Variants in SDK1 observed in about 807,000 individuals in gnomAD.
SDK1 encodes protein sidekick-1.
In SDK1, 157 loss-of-function variants were observed where a neutral mutation model predicts 245.5. That is an observed-to-expected ratio of 0.64 (90% confidence interval 0.56 to 0.73). The LOEUF (loss-of-function observed/expected upper bound fraction) is 0.73. Among genes scored for constraint, SDK1 ranks in the 30% least tolerant of loss-of-function variants. SDK1 has a pLI of 0.00. For synonymous variants in SDK1, 1,647 were observed against 1,278.5 expected, an observed-to-expected ratio of 1.29 and a Z score of -6.15; for missense variants, 3,583 against 3,002.3, an observed-to-expected ratio of 1.19 and a Z score of -4.52.
At chr7:3,760,224 C>T (rs1036029405) in intron 4 of SDK1, among the ~76,000 whole-genome samples, 2 of 152,098 alleles carry the variant, frequency 1.3e-5, no homozygotes, top group African/African-American at 2.4e-5. Flanking sequence ...AGTGATGATC[C>T]AGTGCAGTTT....
At position 3,301,553 on chromosome 7, in the gene SDK1, T is replaced by G. The variant is rs2128539073; in HGVS notation, c.-34T>G. 5.1e-6 allele frequency: 4 copies of G among 791,728 alleles called. No individual in the cohort carries two copies. Among genetic ancestry groups the G allele is most frequent in the African/African-American group, 1.9e-5 (1 of 51,748 alleles). 49.0% of individuals were successfully genotyped at this position (791,728 alleles called of 1,614,324 possible). ...CCCGCCTGTCCTGCCCGCCCGTCCG[T>G]CCGGCGCGGCGCTCGGGGTGGCGGC... On this transcript the variant is annotated 5_prime_UTR_variant, in exon 1 of 45. Transcript: ENST00000404826.
intron 4 of SDK1, among the ~76,000 whole-genome samples, chr7:3,649,678 G>T (rs748681307): frequency 6.6e-6 from 1 of 152,120 alleles, no homozygotes; most frequent in African/African-American, 2.4e-5. Context: ...CAGCGGTTTA[G>T]TACTGTTATT....
intron 1 of SDK1, among the ~76,000 whole-genome samples, chr7:3,444,665 T>C (rs923618330): frequency 1.3e-5 from 2 of 152,202 alleles, no homozygotes; most frequent in Non-Finnish European, 2.9e-5. Context: ...TATATTTCTT[T>C]TCAACAGTCA....
chr7:3,655,431 AAAAAC>A (rs1340927989), intron 4 of SDK1, among the ~76,000 whole-genome samples: 5 of 136,218 alleles, frequency 3.7e-5, no homozygotes, highest in African/African-American at 8.2e-5. Context: ...GCAACTGTCT[AAAAAC>A]AAAACAAAAC....
chr7:3,916,834 TAGAC>T (rs554829674), intron 5 of SDK1, among the ~76,000 whole-genome samples: 130 of 152,358 alleles, frequency 8.5e-4, no homozygotes, highest in African/African-American at 2.6e-3. Flanking sequence ...GATAGATAGA[TAGAC>T]AGACAGATTG....
At chr7:4,139,783 A>G (rs1779446704) in intron 28 of SDK1, among the ~76,000 whole-genome samples, 1 of 151,830 alleles carries the variant, frequency 6.6e-6, no homozygotes, top group Non-Finnish European at 1.5e-5. Flanking sequence ...CTGAAGCCCC[A>G]GGAGCGCTAT....
At chr7:3,722,265 C>A (rs1165786044) in intron 4 of SDK1, among the ~76,000 whole-genome samples, 1 of 152,116 alleles carries the variant, frequency 6.6e-6, no homozygotes, top group Non-Finnish European at 1.5e-5. Context: ...GACTCGGAGA[C>A]CACGTCCTAT....
chr7:3,583,649 C>T (rs1312847313), intron 1 of SDK1, among the ~76,000 whole-genome samples: 2 of 152,070 alleles, frequency 1.3e-5, no homozygotes, highest in South Asian at 4.2e-4. Flanking sequence ...ATCTGTGCTT[C>T]TACACTTTGG....
chr7:3,583,324 A>T (rs563351489), intron 1 of SDK1, among the ~76,000 whole-genome samples: 84 of 152,300 alleles, frequency 5.5e-4, no homozygotes, highest in African/African-American at 2.0e-3. Context: ...TTATGTTACC[A>T]TTTAGAAACT....
chr7:3,404,089 T>G (rs1383555078), intron 1 of SDK1, among the ~76,000 whole-genome samples: 1 of 151,362 alleles, frequency 6.6e-6, no homozygotes, highest in Non-Finnish European at 1.5e-5. Context: ...AATTAAACAT[T>G]TTCTAAAAAA....
chr7:3,393,304 G>C (rs891786153), intron 1 of SDK1, among the ~76,000 whole-genome samples: 2 of 152,002 alleles, frequency 1.3e-5, no homozygotes, highest in East Asian at 1.9e-4. Context: ...GTATACCCAG[G>C]AGTGAAGTTG....
chr7:3,395,850 T>G (rs1781883105), intron 1 of SDK1, among the ~76,000 whole-genome samples: 2 of 151,896 alleles, frequency 1.3e-5, no homozygotes, highest in African/African-American at 4.8e-5. Flanking sequence ...ATTCCTGATT[T>G]TTGTGGTTTT....
At chr7:3,971,278 A>G (rs369336311) in intron 11 of SDK1, among the ~76,000 whole-genome samples, 188 bp from the exon 12 acceptor site, 11 of 152,204 alleles carry the variant, frequency 7.2e-5, no homozygotes, top group African/African-American at 1.9e-4. Context: ...GACTGCTGCA[A>G]TGGTTTACTT....
chr7:3,373,766 G>C (rs932209515), intron 1 of SDK1, among the ~76,000 whole-genome samples: 1 of 152,084 alleles, frequency 6.6e-6, no homozygotes, highest in African/African-American at 2.4e-5. Flanking sequence ...CAAATGGTTA[G>C]AAGCAATTTA....
intron 4 of SDK1, among the ~76,000 whole-genome samples, chr7:3,790,085 G>A (rs1389967962): frequency 1.3e-5 from 2 of 152,190 alleles, no homozygotes; most frequent in African/African-American, 2.4e-5. Flanking sequence ...AATGCCAGGT[G>A]TAGCAGAGTG....
At chr7:4,109,264 A>G (rs1783166733) in intron 22 of SDK1, among the ~76,000 whole-genome samples, 1 of 152,178 alleles carries the variant, frequency 6.6e-6, no homozygotes, top group Non-Finnish European at 1.5e-5. Flanking sequence ...TTCAGCTGAA[A>G]GCGTTGAGAG....
intron 5 of SDK1, among the ~76,000 whole-genome samples, chr7:3,938,055 T>G (rs1277535254): frequency 6.6e-6 from 1 of 152,138 alleles, no homozygotes; most frequent in African/African-American, 2.4e-5. Flanking sequence ...CACACTGGTC[T>G]TGAACTCCTG....
At chr7:3,773,578 G>A (rs776574585) in intron 4 of SDK1, among the ~76,000 whole-genome samples, 1 of 152,068 alleles carries the variant, frequency 6.6e-6, no homozygotes, top group Non-Finnish European at 1.5e-5. Flanking sequence ...CTTTAAATGA[G>A]TGATACTTTC....
At chr7:3,538,595 C>G (rs1778964098) in intron 1 of SDK1, among the ~76,000 whole-genome samples, 1 of 152,300 alleles carries the variant, frequency 6.6e-6, no homozygotes, top group East Asian at 1.9e-4. Context: ...CTGTCCATAT[C>G]TTGGATTCCA....
Sources: allele counts gnomAD v4.1 joint callset (sites outside exome capture counted in the v4.1 genomes callset), GRCh38; gene constraint gnomAD v4.1.1; transcripts MANE v1.5; gene names NCBI Gene and HGNC (gene_info 2026-07-23, HGNC 2026-07-21).